Variants in TMEM217B observed in about 807,000 individuals in gnomAD.
The protein encoded by TMEM217B is transmembrane protein 217B, also known as putative transmembrane protein 217B.
chr6:37,252,633 ATATATTTTTTTTTTT>A, the TMEM217B span, among the ~76,000 whole-genome samples: 1 of 75,278 alleles, frequency 1.3e-5, no homozygotes, highest in Non-Finnish European at 2.5e-5. Context: ...ATATATATAT[ATATATTTTTTTTTTT>A]TTTTTTTTTT....
At chr6:37,244,080 C>T in the TMEM217B span, among the ~76,000 whole-genome samples, 1 of 152,222 alleles carries the variant, frequency 6.6e-6, no homozygotes, top group Non-Finnish European at 1.5e-5. Context: ...TTAACTCCAC[C>T]TACATTTTAG....
chr6:37,240,170 C>T, the TMEM217B span, among the ~76,000 whole-genome samples: 2 of 152,158 alleles, frequency 1.3e-5, no homozygotes, highest in African/African-American at 4.8e-5. Context: ...TTACCTCAAA[C>T]CTTAGACACT....
At chr6:37,233,066 G>T in the TMEM217B span, among the ~76,000 whole-genome samples, 162 of 152,236 alleles carry the variant, frequency 1.1e-3, no homozygotes, top group Non-Finnish European at 1.7e-3. Flanking sequence ...CTTCAGTTTG[G>T]AGCTTTAGTT....
At chr6:37,244,653 T>A in the TMEM217B span, among the ~76,000 whole-genome samples, 2 of 152,348 alleles carry the variant, frequency 1.3e-5, no homozygotes, top group African/African-American at 4.8e-5. Flanking sequence ...GAGAATCATA[T>A]GTGTGTTGGC....
the TMEM217B span, among the ~76,000 whole-genome samples, chr6:37,250,136 A>T: frequency 1.3e-5 from 2 of 152,220 alleles, no homozygotes; most frequent in African/African-American, 4.8e-5. Flanking sequence ...GTCTAAAAGA[A>T]GCAGGCAACA....
At chr6:37,222,262 A>G in the TMEM217B span, among the ~76,000 whole-genome samples, 4 of 152,136 alleles carry the variant, frequency 2.6e-5, no homozygotes, top group African/African-American at 4.8e-5. Flanking sequence ...GTGGGGCCTT[A>G]CTGAGGACCC....
chr6:37,222,638 C>T, the TMEM217B span, among the ~76,000 whole-genome samples: 1 of 152,258 alleles, frequency 6.6e-6, no homozygotes, highest in African/African-American at 2.4e-5. Flanking sequence ...CAGATCCTGC[C>T]TATTCCCGGC....
At chr6:37,248,411 T>C in the TMEM217B span, among the ~76,000 whole-genome samples, 1 of 152,216 alleles carries the variant, frequency 6.6e-6, no homozygotes, top group Non-Finnish European at 1.5e-5. Flanking sequence ...CAAAATCATA[T>C]GTTTTTACCC....
At chr6:37,215,426 T>C in the TMEM217B span, 1 of 1,092,004 alleles carries the variant, frequency 9.2e-7, no homozygotes, top group Non-Finnish European at 1.2e-6. Flanking sequence ...GATACAAAAA[T>C]TAGCTGGGCA....
the TMEM217B span, among the ~76,000 whole-genome samples, chr6:37,242,206 T>G: frequency 9.5e-4 from 144 of 152,196 alleles, no homozygotes; most frequent in Admixed American, 2.9e-3. Flanking sequence ...TAGAGCTCAG[T>G]CCCCAGCCAA....
chr6:37,246,404 GA>G, the TMEM217B span, among the ~76,000 whole-genome samples: 2 of 152,150 alleles, frequency 1.3e-5, no homozygotes, highest in Non-Finnish European at 2.9e-5. Flanking sequence ...CATGGGAGTG[GA>G]AACATATGAT....
chr6:37,218,245 C>T, the TMEM217B span: 5 of 1,301,720 alleles, frequency 3.8e-6, no homozygotes, highest in Admixed American at 3.2e-5. Context: ...TCTCGGCTCA[C>T]TGCAACCTCC....
At chr6:37,214,290 C>T in the TMEM217B span, among the ~76,000 whole-genome samples, 50 of 152,240 alleles carry the variant, frequency 3.3e-4, no homozygotes, top group Middle Eastern at 6.8e-3. Flanking sequence ...TGCAGTGGTA[C>T]GATCTTGGAT....
the TMEM217B span, among the ~76,000 whole-genome samples, chr6:37,220,111 C>A: frequency 2.0e-5 from 3 of 151,978 alleles, no homozygotes; most frequent in South Asian, 6.2e-4. Context: ...TAAATAGAAG[C>A]GCGTAAGTCA....
the TMEM217B span, among the ~76,000 whole-genome samples, chr6:37,234,302 G>A: frequency 2.0e-5 from 3 of 152,100 alleles, no homozygotes; most frequent in South Asian, 6.2e-4. Context: ...GTTTCTCCAT[G>A]TTGGCCAGGC....
the TMEM217B span, chr6:37,257,966 C>T: frequency 6.2e-7 from 1 of 1,614,000 alleles, no homozygotes; most frequent in South Asian, 1.1e-5. Context: ...CGCTAAGCTG[C>T]CGGGGAGGTG....
At chr6:37,240,625 A>G in the TMEM217B span, among the ~76,000 whole-genome samples, 1 of 152,242 alleles carries the variant, frequency 6.6e-6, no homozygotes, top group Non-Finnish European at 1.5e-5. Context: ...AGAGGACAAC[A>G]TAAGGGTGTA....
the TMEM217B span, among the ~76,000 whole-genome samples, chr6:37,225,376 A>G: frequency 1.3e-5 from 2 of 152,166 alleles, no homozygotes; most frequent in African/African-American, 4.8e-5. Flanking sequence ...CATAGTTTAA[A>G]AAAAACAAGC....
chr6:37,221,475 C>T, the TMEM217B span, among the ~76,000 whole-genome samples: 3,909 of 152,256 alleles, frequency 0.026, 101 homozygotes, highest in East Asian at 0.095. Flanking sequence ...GGGTGAGCCA[C>T]CCCACCTGGC....
Sources: allele counts gnomAD v4.1 joint callset (sites outside exome capture counted in the v4.1 genomes callset), GRCh38; gene constraint gnomAD v4.1.1; transcripts MANE v1.5; gene names NCBI Gene and HGNC (gene_info 2026-07-23, HGNC 2026-07-21).